The following RARB variants were observed in gnomAD, a reference collection of about 807,000 sequenced individuals.
The protein encoded by RARB is HBV-activated protein.
RARB carries 17 observed loss-of-function variants against 51.9 expected under a neutral mutation model. The ratio of observed to expected loss-of-function variants is 0.33; its 90% CI spans 0.22 to 0.49. The LOEUF (loss-of-function observed/expected upper bound fraction) is 0.49, where lower values mean the gene tolerates loss of function less well. RARB is among the 20% of genes least tolerant of loss of function. The probability of loss-of-function intolerance (pLI) is 0.99; values close to 1 mark genes in which losing one functional copy is unlikely to be tolerated. For synonymous variants in RARB, 215 were observed against 195.4 expected, an observed-to-expected ratio of 1.10 and a Z score of -0.84; for missense variants, 369 against 550.8, an observed-to-expected ratio of 0.67 and a Z score of 3.30.
intron 5 of RARB, among the ~76,000 whole-genome samples, chr3:25,306,456 A>G (rs1043292281): frequency 6.6e-6 from 1 of 152,060 alleles, no homozygotes; most frequent in African/African-American, 2.4e-5. Flanking sequence ...ATTACCTTAT[A>G]ATACGGCAGC....
chr3:25,137,610 T>C (rs1700050641), intron 4 of RARB, among the ~76,000 whole-genome samples: 1 of 152,140 alleles, frequency 6.6e-6, no homozygotes, highest in Non-Finnish European at 1.5e-5. Context: ...ATAATCACTC[T>C]TATTGAATTT....
At chr3:25,313,009 C>G (rs1704327172) in intron 5 of RARB, among the ~76,000 whole-genome samples, 1 of 152,242 alleles carries the variant, frequency 6.6e-6, no homozygotes, top group Non-Finnish European at 1.5e-5. Flanking sequence ...AGGCAGCATC[C>G]TGGCTCTATC....
At chr3:24,955,477 A>T (rs753088002) in intron 2 of RARB, among the ~76,000 whole-genome samples, 1 of 152,154 alleles carries the variant, frequency 6.6e-6, no homozygotes, top group Non-Finnish European at 1.5e-5. Context: ...TTTGCCAGGG[A>T]ACCACACTCT....
intron 2 of RARB, among the ~76,000 whole-genome samples, chr3:24,898,206 C>T (rs1351749316): frequency 6.6e-6 from 1 of 152,022 alleles, no homozygotes; most frequent in Admixed American, 6.5e-5. Context: ...GTGATTAGGG[C>T]ATTGCTTTCT....
chr3:25,461,478 G>A, intron 2 of RARB, 137 bp downstream of exon 2: 1 of 1,023,756 alleles, frequency 9.8e-7, no homozygotes. Context: ...TATATTCAGT[G>A]GTTTTTATTA....
chr3:25,169,604 A>G (rs1700610092), intron 4 of RARB, among the ~76,000 whole-genome samples: 1 of 152,190 alleles, frequency 6.6e-6, no homozygotes. Flanking sequence ...ATTGTGATAA[A>G]ATTATGTTGG....
intron 5 of RARB, among the ~76,000 whole-genome samples, chr3:25,353,833 T>G (rs1575335491): frequency 6.6e-6 from 1 of 152,124 alleles, no homozygotes; most frequent in Admixed American, 6.6e-5. Context: ...AGTGGTTCTA[T>G]ACTATCATCT....
intron 2 of RARB, among the ~76,000 whole-genome samples, chr3:25,006,004 C>G (rs1005211456): frequency 3.3e-5 from 5 of 152,140 alleles, no homozygotes; most frequent in African/African-American, 1.2e-4. Context: ...AGGCCACTGA[C>G]AATCCCACCT....
intron 2 of RARB, among the ~76,000 whole-genome samples, chr3:24,923,204 A>G (rs955539413): frequency 1.5e-4 from 23 of 152,196 alleles, no homozygotes; most frequent in Admixed American, 1.5e-3. Context: ...TCATAAATAT[A>G]TAGTTTAATT....
chr3:24,832,652 A>ATATATATATATATATATAC (rs1491520085), intron 1 of RARB, among the ~76,000 whole-genome samples: 1 of 61,068 alleles, frequency 1.6e-5, no homozygotes. Context: ...TATATATATA[A>ATATATATATATATATATAC]TGTCAATTAA....
chr3:25,514,503 A>T (rs992714954), intron 3 of RARB, among the ~76,000 whole-genome samples: 11 of 151,744 alleles, frequency 7.2e-5, no homozygotes, highest in Non-Finnish European at 4.4e-5. Context: ...AAATACCTCC[A>T]TGATTAAAAA....
intron 1 of RARB, among the ~76,000 whole-genome samples, chr3:24,830,661 T>TGG (rs1702267783): frequency 7.5e-6 from 1 of 132,684 alleles, no homozygotes; most frequent in Non-Finnish European, 1.6e-5. Context: ...GGCCAGAGTG[T>TGG]GGGGTGTGTG....
intron 3 of RARB, among the ~76,000 whole-genome samples, chr3:25,541,122 C>T (rs1699361066): frequency 6.6e-6 from 1 of 152,136 alleles, no homozygotes; most frequent in Non-Finnish European, 1.5e-5. Flanking sequence ...AGCTGCTTTC[C>T]CAGGACAACC....
intron 5 of RARB, among the ~76,000 whole-genome samples, chr3:25,378,183 C>G (rs542655894): frequency 6.6e-5 from 10 of 152,238 alleles, no homozygotes; most frequent in African/African-American, 1.7e-4. Flanking sequence ...GCACAAGACT[C>G]GGGCATGCAT....
intron 5 of RARB, among the ~76,000 whole-genome samples, chr3:25,299,009 G>A (rs1033680267): frequency 1.3e-5 from 2 of 152,172 alleles, no homozygotes; most frequent in African/African-American, 4.8e-5. Context: ...AGATATCATA[G>A]ACTTGCATAG....
intron 5 of RARB, among the ~76,000 whole-genome samples, chr3:25,342,128 A>G (rs1180849250): frequency 1.3e-5 from 2 of 152,224 alleles, no homozygotes; most frequent in Non-Finnish European, 2.9e-5. Flanking sequence ...AAAAATAAGA[A>G]AAAGAGATAC....
chr3:25,207,852 A>G (rs1484910642), intron 5 of RARB, among the ~76,000 whole-genome samples: 1 of 152,240 alleles, frequency 6.6e-6, no homozygotes, highest in East Asian at 1.9e-4. Flanking sequence ...TAGGTAATTT[A>G]TAGAGAAAAG....
At chr3:24,917,915 G>C (rs921667562) in intron 2 of RARB, among the ~76,000 whole-genome samples, 26 of 152,350 alleles carry the variant, frequency 1.7e-4, no homozygotes, top group African/African-American at 6.0e-4. Context: ...TACTGGTGAA[G>C]ATGTAGGTAA....
intron 3 of RARB, among the ~76,000 whole-genome samples, chr3:25,104,974 G>T (rs143656861): frequency 1.6e-4 from 25 of 152,256 alleles, no homozygotes; most frequent in African/African-American, 6.0e-4. Flanking sequence ...CTGAATGAGG[G>T]TCACGAGTGC....
Sources: gnomAD v4.1 joint callset for allele counts (sites outside exome capture counted in the v4.1 genomes callset) on GRCh38, gnomAD v4.1.1 for gene constraint, MANE v1.5 for transcripts, NCBI Gene and HGNC (gene_info 2026-07-23, HGNC 2026-07-21) for gene names.